IL1RAPL2: variants seen among roughly 807,000 people sequenced by gnomAD.
IL1RAPL2 encodes interleukin 1 receptor accessory protein like 2, also known as X-linked interleukin-1 receptor accessory protein-like 2.
In IL1RAPL2, 3 loss-of-function variants were observed where a neutral mutation model predicts 44.1. That is an observed-to-expected ratio of 0.07 (90% CI 0.03 to 0.18). The LOEUF is 0.18. IL1RAPL2 is among the 10% of genes least tolerant of loss of function. IL1RAPL2 has a pLI of 1.00. For synonymous variants in IL1RAPL2, 181 were observed against 178.8 expected (o/e 1.01, Z -0.10); for missense variants, 391 against 496.4 (o/e 0.79, Z 2.02).
chrX:105,039,010 G>A lies in IL1RAPL2; in HGVS notation c.83-156465G>A, dbSNP rs1397227427. Among the ~76,000 whole-genome samples the A allele has an allele frequency of 5.4e-5, 6 of 111,398 alleles. No individual in the cohort carries two copies. In the East Asian group the frequency reaches 1.4e-3, roughly 26 times the overall value. On this transcript the variant is annotated intron_variant, in intron 2 of 10. Transcript: ENST00000372582. ...CTATAAGCTCTGTTGTCATATCAAG[G>A]AAAAATGACATATTTCAGTAGAATT...
chrX:105,161,009 G>C (rs1350777690), intron 2 of IL1RAPL2, among the ~76,000 whole-genome samples: 1 of 111,365 alleles, frequency 9.0e-6, no homozygotes, highest in Non-Finnish European at 1.9e-5. Context: ...GAAGGCCAAG[G>C]TGGGAGGATT....
At chrX:104,941,755 T>C (rs781641527) in intron 2 of IL1RAPL2, among the ~76,000 whole-genome samples, 4 of 112,019 alleles carry the variant, frequency 3.6e-5, no homozygotes, top group African/African-American at 1.3e-4. Context: ...TTTGGTGTTT[T>C]AGTCAAGAAG....
chrX:104,851,662 C>T (rs1256429353), intron 2 of IL1RAPL2, among the ~76,000 whole-genome samples: 1 of 111,583 alleles, frequency 9.0e-6, no homozygotes, highest in East Asian at 2.8e-4. Context: ...TCATTTTGAA[C>T]TCATTTCTAA....
At chrX:105,399,513 T>C in intron 5 of IL1RAPL2, among the ~76,000 whole-genome samples, 1 of 110,899 alleles carries the variant, frequency 9.0e-6, no homozygotes, top group Middle Eastern at 4.6e-3. Flanking sequence ...TTTGTCTGTG[T>C]CCCCCATATT....
chrX:105,034,938 A>T (rs1324633956), intron 2 of IL1RAPL2, among the ~76,000 whole-genome samples: 17 of 237 alleles, frequency 0.072, no homozygotes, highest in African/African-American at 0.2. Context: ...AGCCTGGGCA[A>T]TGCGGGCGCC....
intron 2 of IL1RAPL2, among the ~76,000 whole-genome samples, chrX:104,885,941 A>G (rs1923228258): frequency 8.8e-6 from 1 of 113,019 alleles, no homozygotes; most frequent in African/African-American, 3.2e-5. Context: ...CAACAACAGG[A>G]CCGAGGGTGC....
At chrX:104,911,681 A>G (rs1924242156) in intron 2 of IL1RAPL2, among the ~76,000 whole-genome samples, 1 of 111,662 alleles carries the variant, frequency 9.0e-6, no homozygotes, top group Admixed American at 9.6e-5. Flanking sequence ...AATATTTTCC[A>G]TGATGTATAG....
intron 2 of IL1RAPL2, among the ~76,000 whole-genome samples, chrX:104,859,841 T>C (rs938354234): frequency 1.8e-5 from 2 of 111,849 alleles, no homozygotes; most frequent in South Asian, 3.7e-4. Flanking sequence ...GGAGGTAATA[T>C]TGCTTTGCGT....
chrX:105,257,396 G>A (rs767395433), intron 4 of IL1RAPL2, among the ~76,000 whole-genome samples: 44 of 112,023 alleles, frequency 3.9e-4, no homozygotes, highest in African/African-American at 1.4e-3. Context: ...GTACCAATGA[G>A]AAGAATATAT....
At chrX:104,927,386 T>TTAGTGC (rs1168625572) in intron 2 of IL1RAPL2, among the ~76,000 whole-genome samples, 1 of 111,725 alleles carries the variant, frequency 9.0e-6, no homozygotes, top group East Asian at 2.8e-4. Flanking sequence ...TTGTTTAATT[T>TTAGTGC]TAGTGCTTTT....
At chrX:105,203,427 T>A (rs1556148340) in intron 3 of IL1RAPL2, among the ~76,000 whole-genome samples, 1 of 112,409 alleles carries the variant, frequency 8.9e-6, no homozygotes, top group Non-Finnish European at 1.9e-5. Flanking sequence ...GGTTATGGTA[T>A]CATGGTTGTT....
At position 105,509,833 on chromosome X, in the gene IL1RAPL2, A is replaced by G. The variant is rs1397665825; in HGVS notation, c.772+25446A>G. The stretch of plus-strand genomic sequence containing the variant: ...ATCAACTAAATTTAGGAAAGGGCTT[A>G]CACCCTCTCTTCATCTTAGACATTT... On this transcript the variant is annotated intron_variant, in intron 6 of 10. Transcript: ENST00000372582. 5.4e-5 allele frequency among the ~76,000 whole-genome samples: 6 copies of G among 111,300 alleles called. No homozygotes were observed. The Admixed American group carries it at 5.7e-4, about 11-fold the overall frequency.
At chrX:105,393,229 G>A (rs1184356702) in intron 5 of IL1RAPL2, among the ~76,000 whole-genome samples, 1 of 110,252 alleles carries the variant, frequency 9.1e-6, no homozygotes, top group Non-Finnish European at 1.9e-5. Flanking sequence ...TAGGAGTGTG[G>A]AAAATGGTCC....
chrX:104,580,983 C>G (rs1928334023), intron 1 of IL1RAPL2, among the ~76,000 whole-genome samples: 1 of 111,977 alleles, frequency 8.9e-6, no homozygotes, highest in Non-Finnish European at 1.9e-5. Context: ...CTCTGCTTAT[C>G]TCAAAGAGCT....
At chrX:104,822,216 C>T (rs924232218) in intron 2 of IL1RAPL2, among the ~76,000 whole-genome samples, 1 of 111,290 alleles carries the variant, frequency 9.0e-6, no homozygotes, top group South Asian at 3.7e-4. Flanking sequence ...CACTCTGATG[C>T]TAGTTTCTTT....
intron 2 of IL1RAPL2, among the ~76,000 whole-genome samples, chrX:104,711,406 A>G (rs1249499795): frequency 9.0e-6 from 1 of 111,190 alleles, no homozygotes; most frequent in African/African-American, 3.3e-5. Context: ...GTATCATTTA[A>G]TAAGGGGGAG....
At position 104,864,797 on chromosome X, in the gene IL1RAPL2, G is replaced by A. The variant is rs758510813; in HGVS notation, c.82+205802G>A. 6.3e-5 allele frequency among the ~76,000 whole-genome samples: 7 copies of A among 111,701 alleles called. No homozygotes were observed. The South Asian group carries it at 2.3e-3, about 37-fold the overall frequency. On this transcript the variant is annotated intron_variant, in intron 2 of 10. Transcript: ENST00000372582. ...CAGGAAGACCTCTGGCCTTTTACCA[G>A]GATAGATGTGCAGTGGGGAAAGGAG... is the stretch of plus-strand genomic sequence containing the variant.
intron 1 of IL1RAPL2, among the ~76,000 whole-genome samples, chrX:104,651,020 G>C (rs1202605290): frequency 4.5e-5 from 5 of 112,024 alleles, no homozygotes; most frequent in Admixed American, 3.8e-4. Flanking sequence ...ACATATAACA[G>C]TTTAGCACAA....
At chrX:104,598,156 G>A (rs1296055293) in intron 1 of IL1RAPL2, among the ~76,000 whole-genome samples, 1 of 112,226 alleles carries the variant, frequency 8.9e-6, no homozygotes, top group Admixed American at 9.5e-5. Flanking sequence ...ATTAATTCTA[G>A]CAACATGGAA....
Sources: gnomAD v4.1 joint callset for allele counts (sites outside exome capture counted in the v4.1 genomes callset) on GRCh38, gnomAD v4.1.1 for gene constraint, MANE v1.5 for transcripts, NCBI Gene and HGNC (gene_info 2026-07-23, HGNC 2026-07-21) for gene names.